The following SLC35F1 variants were observed in gnomAD, a reference collection of about 807,000 sequenced individuals.
The protein encoded by SLC35F1 is solute carrier family 35 member F1, also known as chromosome 6 open reading frame 169.
SLC35F1 carries 14 observed loss-of-function variants against 48.7 expected under a neutral mutation model. That is an observed-to-expected ratio of 0.29 (90% CI 0.19 to 0.45). The LOEUF is 0.45. SLC35F1 is among the 20% of genes least tolerant of loss of function. SLC35F1 has a pLI of 1.00. For missense variants in SLC35F1, 404 were observed against 500.0 expected (o/e 0.81, Z 1.83); for synonymous variants, 190 against 202.2 (o/e 0.94, Z 0.51).
Position 118,180,383 on chromosome 6 carries a change from C to A in SLC35F1, c.349+25763C>A, listed in dbSNP as rs117332981. Among the ~76,000 whole-genome samples the A allele has an allele frequency of 1.7e-4, 26 of 151,942 alleles. No homozygotes were observed. In the East Asian group the frequency reaches 4.3e-3, roughly 25 times the overall value. Reference sequence around the variant, plus strand: ...GCAGCGTAACAATAAGCTACAGAAACAGACCTGCAAAGATTACAGATGTTG... The same window carrying A: ...GCAGCGTAACAATAAGCTACAGAAAAAGACCTGCAAAGATTACAGATGTTG... On this transcript the variant is annotated intron_variant, in intron 2 of 7. Coordinates refer to ENST00000360388, the MANE Select transcript of SLC35F1 (RefSeq NM_001029858.4).
intron 1 of SLC35F1, among the ~76,000 whole-genome samples, chr6:117,991,696 G>C (rs1242571091): frequency 6.6e-6 from 1 of 152,110 alleles, no homozygotes; most frequent in Non-Finnish European, 1.5e-5. Flanking sequence ...GATCTGTTTT[G>C]TATGCCTGCT....
chr6:117,916,650 A>G (rs924793341), intron 1 of SLC35F1, among the ~76,000 whole-genome samples: 1 of 152,212 alleles, frequency 6.6e-6, no homozygotes, highest in African/African-American at 2.4e-5. Flanking sequence ...TGAGGCAGGG[A>G]AACTATTTAG....
chr6:117,971,924 C>A (rs1294041248), intron 1 of SLC35F1, among the ~76,000 whole-genome samples: 2 of 152,212 alleles, frequency 1.3e-5, no homozygotes, highest in Admixed American at 6.5e-5. Flanking sequence ...GCCCTGGAGA[C>A]ATTTTCCCTA....
At chr6:117,962,439 C>T (rs946503344) in intron 1 of SLC35F1, among the ~76,000 whole-genome samples, 1 of 152,194 alleles carries the variant, frequency 6.6e-6, no homozygotes, top group Non-Finnish European at 1.5e-5. Context: ...ATGACTCCCT[C>T]CTTGCTTTTT....
intron 1 of SLC35F1, among the ~76,000 whole-genome samples, chr6:118,094,136 G>T (rs1405849199): frequency 6.6e-6 from 1 of 152,082 alleles, no homozygotes; most frequent in Non-Finnish European, 1.5e-5. Context: ...GAATGATATG[G>T]GGGAAAATCG....
At position 118,285,308 on chromosome 6, in the gene SLC35F1, G is replaced by A. The variant is rs1359630774; in HGVS notation, c.972G>A (p.Leu324=). 9.3e-6 allele frequency: 15 copies of A among 1,613,974 alleles called. No individual in the cohort carries two copies. Among genetic ancestry groups the A allele is most frequent in the Non-Finnish European group, 1.2e-5 (14 of 1,179,870 alleles). ...LSLLTADLYS[L]FCGLFLFHYK... is the part of the protein sequence containing the mutation. The stretch of plus-strand genomic sequence containing the variant: ...TGCTCACAGCAGACTTGTACAGCCT[G>A]TTCTGTGGATTGTTTCTCTTCCACT... Residue 324 remains leucine (L), a synonymous_variant, in exon 7 of 8, where the codon CTG becomes CTA. Coordinates refer to ENST00000360388, the MANE Select transcript of SLC35F1 (RefSeq NM_001029858.4).
intron 1 of SLC35F1, among the ~76,000 whole-genome samples, chr6:117,928,933 C>T (rs1262481192): frequency 6.6e-6 from 1 of 152,090 alleles, no homozygotes. Context: ...TAGAAATTGA[C>T]CCTCCTAGTC....
At chr6:118,151,670 C>A (rs1446570081) in intron 1 of SLC35F1, among the ~76,000 whole-genome samples, 1 of 152,030 alleles carries the variant, frequency 6.6e-6, no homozygotes, top group Non-Finnish European at 1.5e-5. Flanking sequence ...CATGCACCAC[C>A]ACACCTGGGT....
chr6:117,996,376 A>G (rs575977569), intron 1 of SLC35F1, among the ~76,000 whole-genome samples: 1 of 152,324 alleles, frequency 6.6e-6, no homozygotes, highest in Non-Finnish European at 1.5e-5. Flanking sequence ...AGCCTGAGTG[A>G]TGCAAAAGAC....
intron 1 of SLC35F1, among the ~76,000 whole-genome samples, chr6:118,029,447 TAA>T (rs369877916): frequency 9.9e-4 from 151 of 152,352 alleles, no homozygotes; most frequent in African/African-American, 3.4e-3. Flanking sequence ...TATTTTATTA[TAA>T]GTTATTGTTG....
chr6:118,032,590 A>G (rs1173403209), intron 1 of SLC35F1, among the ~76,000 whole-genome samples: 1 of 152,202 alleles, frequency 6.6e-6, no homozygotes, highest in Non-Finnish European at 1.5e-5. Context: ...TAAATAGATT[A>G]TACACAATAT....
chr6:117,923,720 T>TATACATATATGTACATATGTAC (rs1582564729), intron 1 of SLC35F1, among the ~76,000 whole-genome samples: 1 of 5,876 alleles, frequency 1.7e-4, no homozygotes, highest in Non-Finnish European at 3.2e-4. Context: ...CATATATACA[T>TATACATATATGTACATATGTAC]ATATACATAT....
intron 7 of SLC35F1, among the ~76,000 whole-genome samples, chr6:118,299,775 G>A (rs538355703): frequency 6.6e-6 from 1 of 152,310 alleles, no homozygotes; most frequent in Non-Finnish European, 1.5e-5. Flanking sequence ...TCAGTTAGAG[G>A]TCAGTGAAAA....
rs979794393 is a variant in SLC35F1 at position 118,315,888 on chromosome 6, T to C, written c.*1636T>C. The C allele has an allele frequency of 5.3e-5, 8 of 152,192 alleles. No homozygotes were observed. The highest frequency in any genetic ancestry group is 1.7e-4 in the African/African-American group (7 of 41,444). 9.4% of individuals were successfully genotyped at this position (152,192 alleles called of 1,614,324 possible). Reference sequence around the variant, plus strand: ...CACCACAGACCTCTATTATTTAGAATAGATTCTATGTGTCAGTATGTGATG... The same window carrying C: ...CACCACAGACCTCTATTATTTAGAACAGATTCTATGTGTCAGTATGTGATG... On this transcript the variant is annotated 3_prime_UTR_variant, in exon 8 of 8. Transcript: ENST00000360388.
At chr6:118,062,306 A>T (rs766756817) in intron 1 of SLC35F1, among the ~76,000 whole-genome samples, 15 of 152,208 alleles carry the variant, frequency 9.9e-5, no homozygotes, top group Non-Finnish European at 2.1e-4. Flanking sequence ...AAAAAGATTA[A>T]ATGGACTTTT....
intron 2 of SLC35F1, among the ~76,000 whole-genome samples, chr6:118,188,342 G>T (rs1269258421): frequency 6.6e-6 from 1 of 152,192 alleles, no homozygotes; most frequent in Non-Finnish European, 1.5e-5. Flanking sequence ...CCGAAGACAG[G>T]CGTTCGAGAC....
intron 2 of SLC35F1, among the ~76,000 whole-genome samples, chr6:118,222,413 T>G (rs1775163396): frequency 6.6e-6 from 1 of 152,152 alleles, no homozygotes; most frequent in Non-Finnish European, 1.5e-5. Flanking sequence ...TTTTTTTTCT[T>G]TTTGGAACCA....
chr6:118,074,950 C>A (rs912884464), intron 1 of SLC35F1, among the ~76,000 whole-genome samples: 6 of 152,200 alleles, frequency 3.9e-5, no homozygotes, highest in Non-Finnish European at 8.8e-5. Context: ...AGTCGAGACA[C>A]ATAGATTTAA....
intron 1 of SLC35F1, among the ~76,000 whole-genome samples, chr6:118,022,400 A>G (rs1777406244): frequency 1.3e-5 from 2 of 152,184 alleles, no homozygotes; most frequent in South Asian, 2.1e-4. Flanking sequence ...GATGTAGGGA[A>G]GGGTCAAGAA....
Sources: gnomAD v4.1 joint callset for allele counts (sites outside exome capture counted in the v4.1 genomes callset) on GRCh38, gnomAD v4.1.1 for gene constraint, MANE v1.5 for transcripts, NCBI Gene and HGNC (gene_info 2026-07-23, HGNC 2026-07-21) for gene names.